The following UIMC1 variants were observed in gnomAD, a reference collection of about 807,000 sequenced individuals.
The protein encoded by UIMC1 is BRCA1-A complex subunit RAP80.
In UIMC1, 42 loss-of-function variants were observed where a neutral mutation model predicts 84.9. The observed-to-expected ratio is 0.49, with a 90% CI of 0.39 to 0.64. The LOEUF is 0.64. UIMC1 is among the 30% of genes least tolerant of loss of function. The probability of loss-of-function intolerance (pLI) is 0.00; values close to 1 mark genes in which losing one functional copy is unlikely to be tolerated. For missense variants in UIMC1, 825 were observed against 847.6 expected (o/e 0.97, Z 0.33); for synonymous variants, 281 against 293.0 (o/e 0.96, Z 0.42).
intron 1 of UIMC1, among the ~76,000 whole-genome samples, chr5:176,992,486 G>C (rs1415065168): frequency 6.6e-6 from 1 of 150,878 alleles, no homozygotes; most frequent in Non-Finnish European, 1.5e-5. Context: ...AGGTGACTAA[G>C]TAAATAAAGC....
At chr5:176,941,680 G>A (rs1256692497) in intron 10 of UIMC1, among the ~76,000 whole-genome samples, 2 of 152,058 alleles carry the variant, frequency 1.3e-5, no homozygotes, top group Non-Finnish European at 2.9e-5. Flanking sequence ...AATTACCTAG[G>A]TTTACATTCA....
intron 10 of UIMC1, among the ~76,000 whole-genome samples, chr5:176,936,758 C>A (rs941426295): frequency 6.6e-6 from 1 of 152,176 alleles, no homozygotes; most frequent in African/African-American, 2.4e-5. Flanking sequence ...AGTTTATTCC[C>A]TCACTTACTC....
At chr5:176,913,410 T>C (rs74693529) in intron 10 of UIMC1, among the ~76,000 whole-genome samples, 1 of 152,248 alleles carries the variant, frequency 6.6e-6, no homozygotes, top group African/African-American at 2.4e-5. Flanking sequence ...CCTATACTTA[T>C]GTTTTACCTT....
chr5:176,960,841 C>T (rs1216643471), intron 6 of UIMC1, among the ~76,000 whole-genome samples: 2 of 61,050 alleles, frequency 3.3e-5, no homozygotes, highest in East Asian at 4.1e-4. Flanking sequence ...CTGTGTTGGC[C>T]GGGCCGGTCT....
At chr5:176,913,367 T>C (rs1218477693) in intron 10 of UIMC1, among the ~76,000 whole-genome samples, 4 of 152,230 alleles carry the variant, frequency 2.6e-5, no homozygotes, top group African/African-American at 9.6e-5. Context: ...AACTACTAAA[T>C]AGTAAAACCC....
intron 1 of UIMC1, among the ~76,000 whole-genome samples, chr5:177,016,024 G>A (rs1039176363): frequency 4.6e-5 from 7 of 151,844 alleles, no homozygotes; most frequent in South Asian, 2.1e-4. Flanking sequence ...CCGAGACCAC[G>A]CTACCACATT....
intron 13 of UIMC1, 118 bp from the exon 14 acceptor site, chr5:176,906,165 G>T (rs939584381): frequency 1.1e-6 from 1 of 919,694 alleles, no homozygotes; most frequent in Admixed American, 2.1e-5. Flanking sequence ...TATCCAGGTA[G>T]CACAGATCCC....
chr5:176,975,611 A>G, intron 2 of UIMC1, 131 bp from the exon 3 acceptor site: 1 of 787,290 alleles, frequency 1.3e-6, no homozygotes, highest in Non-Finnish European at 2.0e-6. Flanking sequence ...CACATAAAAC[A>G]TTAGAAGATC....
intron 3 of UIMC1, among the ~76,000 whole-genome samples, chr5:176,972,692 C>T (rs757335588): frequency 3.3e-5 from 5 of 152,136 alleles, no homozygotes; most frequent in East Asian, 1.9e-4. Flanking sequence ...GCCAAGATCA[C>T]GCAACTGCGC....
intron 1 of UIMC1, among the ~76,000 whole-genome samples, chr5:177,019,213 C>G (rs1775736922): frequency 6.6e-6 from 1 of 152,228 alleles, no homozygotes; most frequent in South Asian, 2.1e-4. Flanking sequence ...TCGTACCTAA[C>G]TAGCTGTGTG....
At chr5:176,924,799 G>A (rs958838359) in intron 10 of UIMC1, among the ~76,000 whole-genome samples, 1 of 152,242 alleles carries the variant, frequency 6.6e-6, no homozygotes, top group East Asian at 1.9e-4. Context: ...CCAGCACTTT[G>A]GGAGGCTGAG....
intron 1 of UIMC1, among the ~76,000 whole-genome samples, chr5:177,013,129 C>T (rs1775589110): frequency 6.6e-6 from 1 of 150,932 alleles, no homozygotes; most frequent in Non-Finnish European, 1.5e-5. Flanking sequence ...ATAATCTTAG[C>T]ACTTTGGGAG....
At chr5:177,001,865 G>A (rs1419264230) in intron 1 of UIMC1, 1 of 150,508 alleles carries the variant, frequency 6.6e-6, no homozygotes. Flanking sequence ...CAGGAGAATG[G>A]TGTGAACCCG....
intron 10 of UIMC1, among the ~76,000 whole-genome samples, chr5:176,926,926 G>A (rs1198077319): frequency 1.3e-5 from 2 of 152,180 alleles, no homozygotes; most frequent in Non-Finnish European, 2.9e-5. Context: ...CTAGCTTAAT[G>A]ATTTTGAGCA....
At chr5:176,966,647 T>C (rs1768347155) in intron 6 of UIMC1, among the ~76,000 whole-genome samples, 1 of 152,174 alleles carries the variant, frequency 6.6e-6, no homozygotes. Flanking sequence ...ATATAAGCTT[T>C]CATACACAAT....
chr5:176,930,430 T>C (rs73804280), intron 10 of UIMC1, among the ~76,000 whole-genome samples: 36 of 152,336 alleles, frequency 2.4e-4, no homozygotes, highest in African/African-American at 8.2e-4. Context: ...CTTGTCACTT[T>C]CTAGGTACGT....
intron 10 of UIMC1, among the ~76,000 whole-genome samples, chr5:176,941,344 TATA>T: frequency 6.6e-6 from 1 of 152,306 alleles, no homozygotes. Flanking sequence ...TGCAGAATAA[TATA>T]TAGAGAGAGC....
At chr5:176,990,574 G>A (rs1772678886) in intron 1 of UIMC1, among the ~76,000 whole-genome samples, 1 of 152,084 alleles carries the variant, frequency 6.6e-6, no homozygotes, top group Non-Finnish European at 1.5e-5. Flanking sequence ...TAATTCGCAA[G>A]AAGTGAATTT....
In UIMC1 at chr5:176,969,359, C is replaced by A. The variant is rs1032124695; in HGVS notation, c.464-68G>T. 3.3e-6 allele frequency: 5 copies of A among 1,517,148 alleles called. No individual in the cohort carries two copies. In the African/African-American group the frequency reaches 7.0e-5, roughly 21 times the overall value. The allele number at this position is 1,517,148 out of a possible 1,614,324, so 94.0% of individuals were successfully genotyped here. On this transcript the variant is annotated intron_variant, in intron 5 of 14. Coordinates refer to ENST00000511320, the MANE Select transcript of UIMC1 (RefSeq NM_001199298.2). ...TTATTAAGAGGGCTTGGTAAGTTAT[C>A]ACTTACCAAGAATTACATAATATGG...
Sources: allele counts gnomAD v4.1 joint callset (sites outside exome capture counted in the v4.1 genomes callset), GRCh38; gene constraint gnomAD v4.1.1; transcripts MANE v1.5; gene names NCBI Gene and HGNC (gene_info 2026-07-23, HGNC 2026-07-21).